The following LCK variants were observed in gnomAD, a reference collection of about 807,000 sequenced individuals.
LCK encodes the protein tyrosine-protein kinase Lck.
In LCK, 14 loss-of-function variants were observed where a neutral mutation model predicts 64.6. That is an observed-to-expected ratio of 0.22 (90% confidence interval 0.14 to 0.34). LCK has a LOEUF of 0.34. Among genes scored for constraint, LCK ranks in the 10% least tolerant of loss-of-function variants. The pLI is 1.00. For synonymous variants in LCK, 277 were observed against 263.6 expected (o/e 1.05, Z -0.49); for missense variants, 434 against 668.1 (o/e 0.65, Z 3.86).
intron 1 of LCK, among the ~76,000 whole-genome samples, chr1:32,272,150 G>T (rs1640093700): frequency 6.6e-6 from 1 of 151,664 alleles, no homozygotes; most frequent in Admixed American, 6.6e-5. Context: ...CAAGCGTGAT[G>T]GTGCATGCCT....
chr1:32,270,436 C>T (rs1224382057), intron 1 of LCK, among the ~76,000 whole-genome samples: 3 of 151,098 alleles, frequency 2.0e-5, no homozygotes, highest in African/African-American at 7.3e-5. Flanking sequence ...GCTCTGTCAT[C>T]CAGGCTGGAG....
chr1:32,279,744 C>A lies in LCK; in HGVS notation c.1038C>A (p.Ala346=). 1 of 1,611,104 alleles carries A rather than the reference C, an allele frequency of 6.2e-7. No homozygotes were observed. The highest frequency in any genetic ancestry group is 8.5e-7 in the Non-Finnish European group (1 of 1,177,602). Reference sequence around the variant, plus strand: ...TCAACAAACTCCTGGACATGGCAGCCCAAGTAAGGAGACTGGGGAGGGGGG... The same window carrying A: ...TCAACAAACTCCTGGACATGGCAGCACAAGTAAGGAGACTGGGGAGGGGGG... ...LTINKLLDMA[A]QIAEGMAFIE... The change falls in exon 10 of 13, where the codon GCC becomes GCA. Residue 346 remains alanine, a synonymous_variant. Transcript: ENST00000336890.
At chr1:32,271,482 G>T (rs1193160926) in intron 1 of LCK, among the ~76,000 whole-genome samples, 1 of 152,130 alleles carries the variant, frequency 6.6e-6, no homozygotes, top group Non-Finnish European at 1.5e-5. Flanking sequence ...TTTGAGACCA[G>T]TCCGGGCAAC....
chr1:32,280,443 CTTTTTTTTTTTTTTTTTT>C (rs770430504), intron 12 of LCK, among the ~76,000 whole-genome samples: 9 of 84,744 alleles, frequency 1.1e-4, no homozygotes, highest in South Asian at 4.4e-4. Context: ...TTTTCTTTTT[CTTTTTTTTTTTTTTTTTT>C]TTTTTTTTTT....
chr1:32,262,129 C>T (rs1231292958), intron 1 of LCK, among the ~76,000 whole-genome samples: 32 of 145,266 alleles, frequency 2.2e-4, no homozygotes, highest in Non-Finnish European at 3.5e-4. Context: ...AGTGATTCAC[C>T]TGCCTCGGCC....
chr1:32,272,644 AGAGAGCGAGAGAGC>A (rs1557581506), intron 1 of LCK, among the ~76,000 whole-genome samples: 5 of 132,458 alleles, frequency 3.8e-5, no homozygotes, highest in African/African-American at 2.2e-4. Context: ...AGAGAGAGAG[AGAGAGCGAGAGAGC>A]GCACGCATTT....
intron 12 of LCK, among the ~76,000 whole-genome samples, chr1:32,283,161 C>A (rs1640510945): frequency 6.6e-6 from 1 of 151,880 alleles, no homozygotes; most frequent in Non-Finnish European, 1.5e-5. Context: ...TGGTGGCATG[C>A]ACCTGTAGTC....
intron 1 of LCK, among the ~76,000 whole-genome samples, chr1:32,273,829 G>A (rs1046522812): frequency 6.6e-6 from 1 of 152,088 alleles, no homozygotes; most frequent in Non-Finnish European, 1.5e-5. Flanking sequence ...GGTGGACTTC[G>A]GGAGCAGAAG....
chr1:32,281,908 AT>A (rs765689118), intron 12 of LCK, among the ~76,000 whole-genome samples: 5 of 151,796 alleles, frequency 3.3e-5, no homozygotes, highest in Admixed American at 6.6e-5. Context: ...ACTAAAAAAA[AT>A]ATATATAAAA....
At chr1:32,284,264 A>C (rs984519357) in intron 12 of LCK, among the ~76,000 whole-genome samples, 2 of 148,950 alleles carry the variant, frequency 1.3e-5, no homozygotes, top group African/African-American at 4.9e-5. Context: ...ATATATATAT[A>C]TATATATCTG....
At chr1:32,272,573 AAG>A (rs112969302) in intron 1 of LCK, among the ~76,000 whole-genome samples, 5 of 71,888 alleles carry the variant, frequency 7.0e-5, no homozygotes, top group Admixed American at 1.7e-4. Flanking sequence ...ACCCTGTCTC[AAG>A]AGAGAGAGAG....
rs1640603799 is a variant in LCK, at chr1:32,285,951, G to A, written c.*235G>A. The A allele has an allele frequency of 1.8e-6, 1 of 541,588 alleles. No homozygotes were observed. Among genetic ancestry groups the A allele is most frequent in the South Asian group, 2.5e-5 (1 of 40,076 alleles). The allele number at this position is 541,588 out of a possible 1,614,324, so 33.5% of individuals were successfully genotyped here. A position where few individuals can be genotyped will look rare whatever the true frequency, so the allele number is the denominator to read the frequency against. On this transcript the variant is annotated 3_prime_UTR_variant, in exon 13 of 13. Coordinates refer to ENST00000336890, the MANE Select transcript of LCK (RefSeq NM_005356.5). ...ATGTATGTCTTGGACACTGTACAAG[G>A]TACCCCTTTCTGGCTCTCCCATTTC...
At chr1:32,261,974 AAG>A (rs1439103508) in intron 1 of LCK, among the ~76,000 whole-genome samples, 3 of 147,258 alleles carry the variant, frequency 2.0e-5, no homozygotes, top group Non-Finnish European at 4.5e-5. Flanking sequence ...AAAAAAAAAA[AAG>A]AGATTCTCCT....
chr1:32,272,514 G>A (rs1167715721), intron 1 of LCK, among the ~76,000 whole-genome samples: 1 of 151,246 alleles, frequency 6.6e-6, no homozygotes, highest in Non-Finnish European at 1.5e-5. Flanking sequence ...GAGCCCAGGA[G>A]GTCTAAGGGG....
chr1:32,270,786 C>A (rs1308827750), intron 1 of LCK, among the ~76,000 whole-genome samples: 1 of 148,316 alleles, frequency 6.7e-6, no homozygotes, highest in Non-Finnish European at 1.5e-5. Context: ...TCACTGCAAC[C>A]TCTACCTCCT....
chr1:32,282,342 G>A (rs1640486211), intron 12 of LCK, among the ~76,000 whole-genome samples: 1 of 152,194 alleles, frequency 6.6e-6, no homozygotes, highest in African/African-American at 2.4e-5. Context: ...GAGACAATGG[G>A]GAGAAATGGG....
intron 9 of LCK, among the ~76,000 whole-genome samples, chr1:32,277,739 C>T (rs1377113521): frequency 6.6e-6 from 1 of 152,172 alleles, no homozygotes; most frequent in Non-Finnish European, 1.5e-5. Context: ...CTGCCTGGGT[C>T]AGAAGCCTGG....
chr1:32,264,201 A>C (rs1468627033), intron 1 of LCK, among the ~76,000 whole-genome samples: 1 of 152,136 alleles, frequency 6.6e-6, no homozygotes, highest in Non-Finnish European at 1.5e-5. Context: ...GATTGTCTTG[A>C]AGAGAAAAGC....
At chr1:32,268,825 A>G (rs1056524666) in intron 1 of LCK, among the ~76,000 whole-genome samples, 6 of 151,060 alleles carry the variant, frequency 4.0e-5, no homozygotes, top group Middle Eastern at 3.4e-3. Context: ...AAAAAAAAAA[A>G]AAAAGAAAAG....
Sources: gnomAD v4.1 joint callset for allele counts (sites outside exome capture counted in the v4.1 genomes callset) on GRCh38, gnomAD v4.1.1 for gene constraint, MANE v1.5 for transcripts, NCBI Gene and HGNC (gene_info 2026-07-23, HGNC 2026-07-21) for gene names.